NFATC1: variants seen among roughly 807,000 people sequenced by gnomAD.
The protein encoded by NFATC1 is nuclear factor of activated T-cells, cytoplasmic 1.
In NFATC1, 22 loss-of-function variants were observed where a neutral mutation model predicts 76.0. The observed-to-expected ratio is 0.29, with a 90% confidence interval of 0.21 to 0.41. The LOEUF is 0.41. Ranked by LOEUF, NFATC1 falls within the 10% of genes least tolerant of loss-of-function variation. The pLI is 1.00. For synonymous variants in NFATC1, 704 were observed against 613.1 expected, an observed-to-expected ratio of 1.15 and a Z score of -2.19; for missense variants, 1,357 against 1,337.7, an observed-to-expected ratio of 1.01 and a Z score of -0.23.
intron 9 of NFATC1, among the ~76,000 whole-genome samples, chr18:79,488,495 C>G (rs1202124301): frequency 6.6e-6 from 1 of 152,180 alleles, no homozygotes; most frequent in Non-Finnish European, 1.5e-5. Context: ...TCTGGAGGTT[C>G]ATGATGACTG....
chr18:79,501,460 C>T (rs2090012297), intron 9 of NFATC1, among the ~76,000 whole-genome samples: 3 of 152,182 alleles, frequency 2.0e-5, no homozygotes, highest in Admixed American at 1.3e-4. Context: ...TGCTACTCAG[C>T]CTTGTACTGG....
chr18:79,413,672 T>C (rs2085776623), intron 2 of NFATC1, among the ~76,000 whole-genome samples: 1 of 152,218 alleles, frequency 6.6e-6, no homozygotes, highest in Non-Finnish European at 1.5e-5. Flanking sequence ...GGTCTTACTG[T>C]CGCAGTAAAA....
intron 9 of NFATC1, among the ~76,000 whole-genome samples, chr18:79,508,170 C>G (rs1324527586): frequency 6.6e-6 from 1 of 151,952 alleles, no homozygotes; most frequent in East Asian, 1.9e-4. Flanking sequence ...TCCCAGACTC[C>G]CAGTGCAGCT....
chr18:79,497,925 CAG>C (rs1011194392), intron 9 of NFATC1: 3 of 152,046 alleles, frequency 2.0e-5, no homozygotes, highest in Non-Finnish European at 4.4e-5. Context: ...GATTTAAAAA[CAG>C]AGAGAACAGA....
intron 9 of NFATC1, chr18:79,527,058 C>T (rs917530061): frequency 1.9e-5 from 3 of 157,894 alleles, no homozygotes; most frequent in African/African-American, 7.2e-5. Flanking sequence ...TGCCAGAAGT[C>T]ACAGGTGACG....
At chr18:79,453,702 AAATG>A (rs1048466562) in intron 6 of NFATC1, among the ~76,000 whole-genome samples, 2 of 152,268 alleles carry the variant, frequency 1.3e-5, no homozygotes, top group African/African-American at 4.8e-5. Flanking sequence ...GGTGAGCCAT[AAATG>A]AATAGGTGCT....
At chr18:79,476,385 G>A (rs995986728) in intron 8 of NFATC1, among the ~76,000 whole-genome samples, 18 of 152,282 alleles carry the variant, frequency 1.2e-4, no homozygotes, top group African/African-American at 4.3e-4. Context: ...GCGAGGATTG[G>A]CGAAAGCCGA....
chr18:79,400,608 C>A, intron 1 of NFATC1: 3 of 784,050 alleles, frequency 3.8e-6, no homozygotes, highest in Non-Finnish European at 5.3e-6. Flanking sequence ...GACCGAGGGG[C>A]TACGGCGGGG....
intron 4 of NFATC1, among the ~76,000 whole-genome samples, chr18:79,450,123 G>GA (rs1223292788): frequency 6.6e-6 from 1 of 152,206 alleles, no homozygotes; most frequent in East Asian, 1.9e-4. Context: ...GGGTGGCCGG[G>GA]AGACGCCCGC....
chr18:79,463,308 G>A (rs28435911), intron 7 of NFATC1, among the ~76,000 whole-genome samples: 10,202 of 152,314 alleles, frequency 0.067, 1,084 homozygotes, highest in African/African-American at 0.23. Flanking sequence ...CCAGTGTTCA[G>A]AGGAAGGAGT....
chr18:79,415,491 C>G (rs2085847122), intron 2 of NFATC1, among the ~76,000 whole-genome samples: 1 of 151,258 alleles, frequency 6.6e-6, no homozygotes, highest in African/African-American at 2.4e-5. Context: ...ACCATGTTAG[C>G]CAGGATGGTC....
At chr18:79,396,597 G>C (rs960031264) in intron 1 of NFATC1, among the ~76,000 whole-genome samples, 5 of 152,178 alleles carry the variant, frequency 3.3e-5, no homozygotes, top group African/African-American at 1.2e-4. Context: ...GAGGGCGCGA[G>C]GCGAGGCCGC....
At chr18:79,400,708 G>A (rs1237558749) in intron 1 of NFATC1, among the ~76,000 whole-genome samples, 1 of 151,146 alleles carries the variant, frequency 6.6e-6, no homozygotes, top group Non-Finnish European at 1.5e-5. Context: ...GCCCGGACAC[G>A]GGCGTGGACG....
chr18:79,420,026 G>T lies in NFATC1; in HGVS notation c.1226+8525G>T, dbSNP rs1228358109. ...ACGCACAGGGCTTAGTCGGCTTTGG[G>T]GAGAGACAGTAGTTGTAAAGGCCAC... On this transcript the variant is annotated intron_variant, in intron 2 of 9. Transcript: ENST00000427363. Among the ~76,000 whole-genome samples the T allele has an allele frequency of 2.6e-5, 4 of 152,356 alleles. No individual in the cohort carries two copies. The East Asian group carries it at 7.7e-4, about 29-fold the overall frequency.
In NFATC1 at chr18:79,465,349, G is replaced by T. The variant is rs1284201174; in HGVS notation, c.1960-2101G>T. ...AGTCAGGTAGGACTTAGGAAAACTG[G>T]CATGCACCGTCCAGCATGCCCCACA... is the stretch of plus-strand genomic sequence containing the variant. On this transcript the variant is annotated intron_variant, in intron 7 of 9. Coordinates refer to ENST00000427363, the MANE Select transcript of NFATC1 (RefSeq NM_001278669.2). The surrounding 1 kb of genome is among the most constrained non-coding windows in gnomAD (Gnocchi z 4.2). Among the ~76,000 whole-genome samples, 1 of 152,220 alleles carries T rather than the reference G, an allele frequency of 6.6e-6. No individual in the cohort carries two copies. Among genetic ancestry groups the T allele is most frequent in the Admixed American group, 6.5e-5 (1 of 15,282 alleles).
chr18:79,514,267 C>G (rs1251499382), intron 9 of NFATC1, among the ~76,000 whole-genome samples: 3 of 152,048 alleles, frequency 2.0e-5, no homozygotes, highest in East Asian at 1.9e-4. Flanking sequence ...TAGCAAGACC[C>G]CATCTCTACA....
intron 9 of NFATC1, among the ~76,000 whole-genome samples, chr18:79,503,846 G>T (rs2090064681): frequency 6.6e-6 from 1 of 152,248 alleles, no homozygotes; most frequent in Non-Finnish European, 1.5e-5. Context: ...TGGAGAACTT[G>T]CTGCAGCTTC....
At chr18:79,402,014 G>A (rs1259326157) in intron 1 of NFATC1, among the ~76,000 whole-genome samples, 2 of 152,144 alleles carry the variant, frequency 1.3e-5, no homozygotes, top group Non-Finnish European at 2.9e-5. Flanking sequence ...GGTCTCCCCG[G>A]CCTCCCAGGC....
intron 3 of NFATC1, among the ~76,000 whole-genome samples, chr18:79,438,405 C>A (rs2086856226): frequency 6.6e-6 from 1 of 152,210 alleles, no homozygotes; most frequent in Non-Finnish European, 1.5e-5. Flanking sequence ...CCATGGCACC[C>A]ACCATCCCAC....
Sources: allele counts gnomAD v4.1 joint callset (sites outside exome capture counted in the v4.1 genomes callset), GRCh38; gene constraint gnomAD v4.1.1; non-coding constraint Gnocchi (gnomAD v3.1); transcripts MANE v1.5; gene names NCBI Gene and HGNC (gene_info 2026-07-23, HGNC 2026-07-21).